EFR3B: variants seen among roughly 807,000 people sequenced by gnomAD.
EFR3B encodes protein EFR3 homolog B.
EFR3B carries 64 observed loss-of-function variants against 104.7 expected under a neutral mutation model. That is an observed-to-expected ratio of 0.61 (90% CI 0.50 to 0.75). EFR3B has a LOEUF of 0.75. Among genes scored for constraint, EFR3B ranks in the 30% least tolerant of loss-of-function variants. The pLI is 0.00. For synonymous variants in EFR3B, 385 were observed against 417.9 expected (o/e 0.92, Z 0.96); for missense variants, 750 against 1,078.5 (o/e 0.70, Z 4.27).
At chr2:25,080,806 C>G (rs1668782878) in intron 1 of EFR3B, 1 of 1,024,560 alleles carries the variant, frequency 9.8e-7, no homozygotes, top group South Asian at 1.3e-5. Context: ...CATCACAGCA[C>G]AGCTCCATCT....
intron 1 of EFR3B, among the ~76,000 whole-genome samples, chr2:25,078,759 G>A (rs1217994392): frequency 6.6e-6 from 1 of 152,200 alleles, no homozygotes; most frequent in Non-Finnish European, 1.5e-5. Flanking sequence ...CACAGAAGTC[G>A]AGCTGGCAGA....
At chr2:25,149,859 G>A in intron 20 of EFR3B, 117 bp downstream of exon 20, 1 of 913,034 alleles carries the variant, frequency 1.1e-6, no homozygotes, top group Non-Finnish European at 1.8e-6. Flanking sequence ...GCACCTGCGT[G>A]AAGGGAGAGG....
intron 1 of EFR3B, among the ~76,000 whole-genome samples, chr2:25,054,060 A>G (rs1052270430): frequency 3.3e-5 from 5 of 152,222 alleles, no homozygotes; most frequent in African/African-American, 1.2e-4. Flanking sequence ...CTAGACAGCA[A>G]AGCTGTGCAG....
At chr2:25,140,142 G>A (rs991063951) in intron 16 of EFR3B, among the ~76,000 whole-genome samples, 1 of 151,842 alleles carries the variant, frequency 6.6e-6, no homozygotes, top group Non-Finnish European at 1.5e-5. Flanking sequence ...GTGAACCCCC[G>A]TCTCTACTAA....
chr2:25,093,661 C>T (rs1336912521), intron 3 of EFR3B, among the ~76,000 whole-genome samples: 1 of 152,078 alleles, frequency 6.6e-6, no homozygotes, highest in Non-Finnish European at 1.5e-5. Context: ...AGCACCTCTT[C>T]CAGCATCCAT....
At position 25,114,451 on chromosome 2, in the gene EFR3B, C is replaced by G. The variant is rs955819534; in HGVS notation, c.364-7222C>G. On this transcript the variant is annotated intron_variant, in intron 4 of 22. Transcript: ENST00000403714. The surrounding 1 kb of genome is among the most constrained non-coding windows in gnomAD (Gnocchi z 4.0). ...CTTATTTTATTAGATAGCCCTGTTGCACACACCACTTCTCCACGGGAGATC... is the reference window on the plus strand; with the variant it reads ...CTTATTTTATTAGATAGCCCTGTTGGACACACCACTTCTCCACGGGAGATC... 6.6e-6 allele frequency among the ~76,000 whole-genome samples: 1 copy of G among 152,220 alleles called. No homozygotes were observed. The highest frequency in any genetic ancestry group is 2.4e-5 in the African/African-American group (1 of 41,450).
Position 25,131,590 on chromosome 2 carries a change from G to C in EFR3B, c.985+87G>C, listed in dbSNP as rs1313327604. The C allele has an allele frequency of 1.6e-5, 24 of 1,516,484 alleles. No homozygotes were observed. The highest frequency in any genetic ancestry group is 2.1e-5 in the Non-Finnish European group (24 of 1,126,972). The allele number at this position is 1,516,484 out of a possible 1,614,324, so 93.9% of individuals were successfully genotyped here. A position where few individuals can be genotyped will look rare whatever the true frequency, so the allele number is the denominator to read the frequency against. On this transcript the variant is annotated intron_variant, in intron 9 of 22. Coordinates refer to ENST00000403714, the MANE Select transcript of EFR3B (RefSeq NM_014971.2). This position sits in a 1 kb window ranked among gnomAD's most constrained non-coding sequence, Gnocchi z 7.6. ...AGAGAGGCAAGGGACAACAGGGAGG[G>C]GTCGGAGTCCGTTTTCCTCGGGAGA...
chr2:25,130,511 G>A lies in EFR3B; in HGVS notation c.771-41G>A, dbSNP rs771973365. On this transcript the variant is annotated intron_variant, in intron 7 of 22. Coordinates refer to ENST00000403714, the MANE Select transcript of EFR3B (RefSeq NM_014971.2). This position sits in a 1 kb window ranked among gnomAD's most constrained non-coding sequence, Gnocchi z 4.6. Reference sequence around the variant, plus strand: ...CTAATCTCTTCTCCCTAACACTGCCGGGAGTTTCATAGTTGTTCCCCCACG... The same window carrying A: ...CTAATCTCTTCTCCCTAACACTGCCAGGAGTTTCATAGTTGTTCCCCCACG... 8.1e-6 allele frequency: 12 copies of A among 1,489,592 alleles called. No homozygotes were observed. The highest frequency in any genetic ancestry group is 1.7e-4 in the Middle Eastern group (1 of 5,902). The allele number at this position is 1,489,592 out of a possible 1,614,324, so 92.3% of individuals were successfully genotyped here.
Position 25,131,221 on chromosome 2 carries a change from G to A in EFR3B, c.850-147G>A. 5.5e-6 allele frequency: 6 copies of A among 1,083,992 alleles called. No individual in the cohort carries two copies. The highest frequency in any genetic ancestry group is 7.8e-6 in the Non-Finnish European group (6 of 773,826). 67.1% of individuals were successfully genotyped at this position (1,083,992 alleles called of 1,614,324 possible). On this transcript the variant is annotated intron_variant, in intron 8 of 22. Transcript: ENST00000403714. The surrounding 1 kb of genome is among the most constrained non-coding windows in gnomAD (Gnocchi z 7.6). ...GGGAGAAGGGAAGGATCCAGTAAAGGGCACGAGGTGTCAGTGCCAACTGCA... is the reference window on the plus strand; with the variant it reads ...GGGAGAAGGGAAGGATCCAGTAAAGAGCACGAGGTGTCAGTGCCAACTGCA...
At chr2:25,093,682 G>A (rs928990700) in intron 3 of EFR3B, among the ~76,000 whole-genome samples, 21 of 151,864 alleles carry the variant, frequency 1.4e-4, no homozygotes, top group African/African-American at 4.8e-4. Context: ...TCTCTCTTGC[G>A]TTTCCATACA....
chr2:25,069,478 C>T (rs1668430692), intron 1 of EFR3B, among the ~76,000 whole-genome samples: 1 of 152,168 alleles, frequency 6.6e-6, no homozygotes, highest in Non-Finnish European at 1.5e-5. Context: ...AATTCAAGGG[C>T]AAGCTAGTGA....
chr2:25,142,777 AAAT>A, intron 17 of EFR3B, among the ~76,000 whole-genome samples: 2 of 27,056 alleles, frequency 7.4e-5, no homozygotes, highest in Admixed American at 2.7e-4. Flanking sequence ...TAATAATAAT[AAAT>A]AAATAAATAA....
intron 5 of EFR3B, among the ~76,000 whole-genome samples, chr2:25,127,659 G>A (rs1670205279): frequency 6.6e-6 from 1 of 152,180 alleles, no homozygotes; most frequent in African/African-American, 2.4e-5. Flanking sequence ...AGCAGGGACT[G>A]GGGGTGTACA....
At chr2:25,045,180 T>A (rs2149161191) in intron 1 of EFR3B, among the ~76,000 whole-genome samples, 1 of 152,260 alleles carries the variant, frequency 6.6e-6, no homozygotes, top group South Asian at 2.1e-4. Context: ...AGCCTGTTTG[T>A]ATCACCTGCC....
rs1671199012 is a variant in EFR3B, at chr2:25,157,232, G to A, written c.*2892G>A. The A allele has an allele frequency of 1.3e-5, 2 of 152,180 alleles. No homozygotes were observed. The highest frequency in any genetic ancestry group is 2.1e-4 in the South Asian group (1 of 4,824). 9.4% of individuals were successfully genotyped at this position (152,180 alleles called of 1,614,324 possible). ...ATTTTTTTTGAGTGCCCTCTTCTCA[G>A]TTTTGTTTAAACTTACACTCAGTAG... On this transcript the variant is annotated 3_prime_UTR_variant, in exon 23 of 23. Transcript: ENST00000403714.
At chr2:25,054,480 C>A (rs1204335451) in intron 1 of EFR3B, among the ~76,000 whole-genome samples, 1 of 152,040 alleles carries the variant, frequency 6.6e-6, no homozygotes, top group African/African-American at 2.4e-5. Flanking sequence ...TGCCACCACT[C>A]CCAGCTAATT....
intron 21 of EFR3B, 147 bp from the exon 22 acceptor site, chr2:25,153,565 A>G: frequency 1.4e-6 from 1 of 726,758 alleles, no homozygotes. Flanking sequence ...CCAGTGGATG[A>G]GTGCTGGAGC....
chr2:25,143,429 C>A (rs528155954), intron 17 of EFR3B, among the ~76,000 whole-genome samples: 1 of 151,966 alleles, frequency 6.6e-6, no homozygotes, highest in African/African-American at 2.4e-5. Flanking sequence ...GAGGCTGAGG[C>A]GGGTGGATCA....
At chr2:25,149,141 G>C (rs1310738127) in intron 19 of EFR3B, among the ~76,000 whole-genome samples, 2 of 151,902 alleles carry the variant, frequency 1.3e-5, no homozygotes, top group Admixed American at 6.6e-5. Flanking sequence ...ATGAGTTCAG[G>C]AGTTCGGGAC....
Sources: gnomAD v4.1 joint callset for allele counts (sites outside exome capture counted in the v4.1 genomes callset) on GRCh38, gnomAD v4.1.1 for gene constraint, Gnocchi (gnomAD v3.1) non-coding constraint, MANE v1.5 for transcripts, NCBI Gene and HGNC (gene_info 2026-07-23, HGNC 2026-07-21) for gene names.